The following SEMA3A variants were observed in gnomAD, a reference collection of about 807,000 sequenced individuals.
SEMA3A encodes the protein semaphorin-3A.
In SEMA3A, 29 loss-of-function variants were observed where a neutral mutation model predicts 97.9. That is an observed-to-expected ratio of 0.30 (90% CI 0.22 to 0.40). The LOEUF is 0.40. Among genes scored for constraint, SEMA3A ranks in the 10% least tolerant of loss-of-function variants. SEMA3A has a pLI of 1.00. For missense variants in SEMA3A, 763 were observed against 951.3 expected (o/e 0.80, Z 2.60); for synonymous variants, 321 against 323.7 (o/e 0.99, Z 0.09).
intron 4 of SEMA3A, among the ~76,000 whole-genome samples, chr7:84,091,021 C>G (rs1286929283): frequency 6.7e-6 from 1 of 149,108 alleles, no homozygotes; most frequent in Admixed American, 6.9e-5. Flanking sequence ...GAGCTGAGAT[C>G]ACGAGATCAT....
At chr7:84,027,858 A>G (rs1791604650) in intron 6 of SEMA3A, among the ~76,000 whole-genome samples, 1 of 152,210 alleles carries the variant, frequency 6.6e-6, no homozygotes, top group African/African-American at 2.4e-5. Flanking sequence ...ACCTGGACTT[A>G]GAACAACATA....
intron 6 of SEMA3A, among the ~76,000 whole-genome samples, chr7:84,020,035 CTTTTTTTT>C (rs781108685): frequency 4.9e-3 from 287 of 58,220 alleles, no homozygotes; most frequent in African/African-American, 0.011. Flanking sequence ...TTTTTTCTTT[CTTTTTTTT>C]TTTTTTTTTT....
intron 3 of SEMA3A, among the ~76,000 whole-genome samples, chr7:84,116,369 T>C (rs1429551893): frequency 6.6e-6 from 1 of 152,152 alleles, no homozygotes; most frequent in East Asian, 1.9e-4. Flanking sequence ...CCAAGTTTAG[T>C]TGCTTTAAAA....
chr7:84,090,654 T>C (rs1794536273), intron 4 of SEMA3A, among the ~76,000 whole-genome samples: 2 of 152,174 alleles, frequency 1.3e-5, no homozygotes, highest in South Asian at 4.1e-4. Context: ...ACAAGAATAT[T>C]ATTTAATATT....
At chr7:84,359,815 A>G (rs970038087) in intron 2 of SEMA3A, among the ~76,000 whole-genome samples, 17 of 151,970 alleles carry the variant, frequency 1.1e-4, no homozygotes, top group African/African-American at 4.1e-4. Context: ...TCAATTTCAG[A>G]GCCTGTTATT....
chr7:84,354,796 G>A (rs1011919164), intron 2 of SEMA3A, among the ~76,000 whole-genome samples: 9 of 151,482 alleles, frequency 5.9e-5, no homozygotes, highest in South Asian at 2.1e-4. Flanking sequence ...TGCCCCACAC[G>A]CAGAACAAAT....
In SEMA3A at chr7:84,486,847, C is replaced by A. The variant is rs117096910; in HGVS notation, c.-246+5613G>T. Among the ~76,000 whole-genome samples the A allele has an allele frequency of 2.3e-3, 354 of 152,084 alleles. 12 individuals carry two copies. The East Asian group carries it at 0.055, about 23-fold the overall frequency. On this transcript the variant is annotated intron_variant, in intron 1 of 3. Coordinates refer to the SEMA3A transcript ENST00000424555. ...AAAATATTATTTGTCAGAAAAACAT[C>A]ATTATGTAGCATGTAAAATTCAAGC...
At chr7:84,142,037 G>A (rs1354999909) in intron 1 of SEMA3A, among the ~76,000 whole-genome samples, 1 of 152,124 alleles carries the variant, frequency 6.6e-6, no homozygotes, top group Non-Finnish European at 1.5e-5. Context: ...TGTTATCAGG[G>A]AGAGACACTA....
At chr7:84,014,139 A>C in intron 7 of SEMA3A, 70 bp downstream of exon 7, 4 of 1,342,040 alleles carry the variant, frequency 3.0e-6, no homozygotes, top group Non-Finnish European at 4.2e-6. Context: ...GCACACAGGT[A>C]GAAAATTTTA....
At chr7:84,284,453 G>A (rs1428872260) in intron 3 of SEMA3A, among the ~76,000 whole-genome samples, 1 of 152,086 alleles carries the variant, frequency 6.6e-6, no homozygotes, top group African/African-American at 2.4e-5. Context: ...CCCTAAATCT[G>A]TCCTAGTTAA....
At chr7:84,203,607 C>G (rs1798415192) in intron 3 of SEMA3A, among the ~76,000 whole-genome samples, 1 of 144,236 alleles carries the variant, frequency 6.9e-6, no homozygotes, top group African/African-American at 2.6e-5. Context: ...TCTCGGCTCA[C>G]TGCAACCTCT....
chr7:84,015,663 GA>G (rs1791069307), intron 6 of SEMA3A, among the ~76,000 whole-genome samples: 1 of 152,186 alleles, frequency 6.6e-6, no homozygotes, highest in African/African-American at 2.4e-5. Context: ...AGACCAGGAA[GA>G]GATCAGAACT....
chr7:83,984,025 T>C (rs1789527777), intron 13 of SEMA3A, among the ~76,000 whole-genome samples: 2 of 152,164 alleles, frequency 1.3e-5, no homozygotes, highest in Non-Finnish European at 2.9e-5. Flanking sequence ...CTTTCTTCTC[T>C]CATGGTATTT....
chr7:84,424,510 ATAT>A (rs1186798246), intron 1 of SEMA3A, among the ~76,000 whole-genome samples: 10 of 79,476 alleles, frequency 1.3e-4, no homozygotes, highest in Non-Finnish European at 2.2e-4. Flanking sequence ...TAATATATAA[ATAT>A]TAATATATGT....
chr7:84,266,257 G>T (rs1034244049), intron 3 of SEMA3A, among the ~76,000 whole-genome samples: 2 of 148,534 alleles, frequency 1.3e-5, no homozygotes, highest in Non-Finnish European at 3.0e-5. Context: ...GGAGGTGGAG[G>T]TTGCAGTGAG....
At chr7:84,400,959 A>G (rs890640993) in intron 1 of SEMA3A, among the ~76,000 whole-genome samples, 1 of 152,208 alleles carries the variant, frequency 6.6e-6, no homozygotes, top group African/African-American at 2.4e-5. Flanking sequence ...AAGAACTGGA[A>G]CAAGAAAAGG....
In SEMA3A at chr7:83,981,339, T is replaced by C. The variant is rs1164539332; in HGVS notation, c.1634A>G (p.Tyr545Cys). The C allele has an allele frequency of 1.2e-6, 2 of 1,613,780 alleles. No individual in the cohort carries two copies. The highest frequency in any genetic ancestry group is 1.7e-6 in the Non-Finnish European group (2 of 1,179,900). The change falls in exon 14 of 17, where the codon TAT becomes TGT. Residue 545 changes from tyrosine (Y) to cysteine (C), a missense_variant. By Grantham distance (194) the Tyr-to-Cys change is radical. Transcript: ENST00000265362. Reference protein sequence around the residue: ...CAWDGSACSRYFPTAKRRTRR... With the variant: ...CAWDGSACSRCFPTAKRRTRR... ...TTCCTACCTCTTTGCAGTGGGAAAATAGCGAGAACATGCAGAACCATCCCA... is the reference window on the plus strand; with the variant it reads ...TTCCTACCTCTTTGCAGTGGGAAAACAGCGAGAACATGCAGAACCATCCCA...
At chr7:84,095,773 T>C (rs577288461) in intron 4 of SEMA3A, among the ~76,000 whole-genome samples, 3 of 152,072 alleles carry the variant, frequency 2.0e-5, no homozygotes, top group South Asian at 2.1e-4. Context: ...ATTACTTTAT[T>C]TGATAATATT....
upstream of SEMA3A, among the ~76,000 whole-genome samples, chr7:84,197,833 G>A (rs1798270652): frequency 1.4e-5 from 2 of 145,692 alleles, no homozygotes; most frequent in South Asian, 4.6e-4. Context: ...TCGGCCTCCC[G>A]GGTTCAAGTA....
Sources: allele counts gnomAD v4.1 joint callset (sites outside exome capture counted in the v4.1 genomes callset), GRCh38; gene constraint gnomAD v4.1.1; transcripts MANE v1.5; gene names NCBI Gene and HGNC (gene_info 2026-07-23, HGNC 2026-07-21).